SRCIN1: variants seen among roughly 807,000 people sequenced by gnomAD.
The protein encoded by SRCIN1 is P130Cas-associated protein.
SRCIN1 carries 50 observed loss-of-function variants against 116.2 expected under a neutral mutation model. The ratio of observed to expected loss-of-function variants is 0.43; its 90% CI spans 0.34 to 0.54. The LOEUF (loss-of-function observed/expected upper bound fraction) is 0.54, where lower values mean the gene tolerates loss of function less well. SRCIN1 is among the 20% of genes least tolerant of loss of function. The pLI is 0.02. For missense variants in SRCIN1, 1,446 were observed against 1,672.0 expected, an observed-to-expected ratio of 0.86 and a Z score of 2.36; for synonymous variants, 736 against 750.0, an observed-to-expected ratio of 0.98 and a Z score of 0.30.
intron 1 of SRCIN1, among the ~76,000 whole-genome samples, chr17:38,601,960 TGAC>T (rs1355948082): frequency 6.6e-6 from 1 of 151,200 alleles, no homozygotes; most frequent in Non-Finnish European, 1.5e-5. Flanking sequence ...CAGGAGAAAT[TGAC>T]GAACAGGGAG....
chr17:38,591,959 T>C (rs1908465252), intron 1 of SRCIN1, among the ~76,000 whole-genome samples: 1 of 152,232 alleles, frequency 6.6e-6, no homozygotes, highest in Non-Finnish European at 1.5e-5. Flanking sequence ...AGGATGCCCC[T>C]GTCTGGCAGC....
chr17:38,537,186 A>T (rs1159279870), intron 18 of SRCIN1, among the ~76,000 whole-genome samples: 1 of 151,096 alleles, frequency 6.6e-6, no homozygotes, highest in South Asian at 2.1e-4. Flanking sequence ...TCTCAAAAAA[A>T]AATTAAATAA....
intron 9 of SRCIN1, 63 bp from the exon 10 acceptor site, chr17:38,559,835 G>A (rs1906107726): frequency 6.9e-7 from 1 of 1,452,566 alleles, no homozygotes; most frequent in Non-Finnish European, 9.1e-7. Flanking sequence ...GGACTGGGCT[G>A]GGACAAAGTC....
In SRCIN1 at chr17:38,561,515, G is replaced by A; in HGVS notation, c.1648C>T (p.Arg550Cys). 1 of 1,597,090 alleles carries A rather than the reference G, an allele frequency of 6.3e-7. No homozygotes were observed. The highest frequency in any genetic ancestry group is 8.5e-7 in the Non-Finnish European group (1 of 1,177,150). The change falls in exon 7 of 19, where the codon CGC (arginine) becomes TGC (cysteine). Residue 550 changes from arginine to cysteine, a missense_variant. Coordinates refer to ENST00000617146, the MANE Select transcript of SRCIN1 (RefSeq NM_025248.3). ...PSELFPGPGERSLVGFGPPVP... is the reference protein window; with the variant it reads ...PSELFPGPGECSLVGFGPPVP... ...GGCGGCCCGAACCCAACCAGCGAGC[G>A]TTCCCCAGGCCCAGGGAAGAGCTCC... is the stretch of plus-strand genomic sequence containing the variant.
intron 2 of SRCIN1, among the ~76,000 whole-genome samples, chr17:38,577,455 A>G (rs1907488356): frequency 6.6e-6 from 1 of 152,212 alleles, no homozygotes; most frequent in Admixed American, 6.5e-5. Flanking sequence ...GAAATGTGCC[A>G]ATGTGTCTTG....
chr17:38,533,335 T>A lies in SRCIN1; in HGVS notation c.3514A>T (p.Thr1172Ser). The A allele has an allele frequency of 6.3e-7, 1 of 1,595,586 alleles. No homozygotes were observed. Among genetic ancestry groups the A allele is most frequent in the Admixed American group, 1.8e-5 (1 of 56,802 alleles). ...SASRTSIPVLTSFGARNSSIS... is the reference protein window; with the variant it reads ...SASRTSIPVLSSFGARNSSIS... The stretch of plus-strand genomic sequence containing the variant: ...GAAGAATTCCTTGCCCCAAAGGAAG[T>A]CAATACAGGGATAGAGGTTCTGGAA... The change falls in exon 19 of 19, where the codon ACT (threonine) becomes TCT (serine). Residue 1172 changes from threonine to serine, a missense_variant. Coordinates refer to ENST00000617146, the MANE Select transcript of SRCIN1 (RefSeq NM_025248.3).
chr17:38,561,669 C>A lies in SRCIN1; in HGVS notation c.1494G>T (p.Pro498=), dbSNP rs758496407. The change falls in exon 7 of 19, where the codon CCG becomes CCT. Residue 498 remains proline (P), a synonymous_variant. Coordinates refer to ENST00000617146, the MANE Select transcript of SRCIN1 (RefSeq NM_025248.3). ...PPPPHSPYSG[P]PSRGSPVRQS... ...GGCGCACTGGCGAGCCGCGGCTGGGCGGCCCCGAGTAGGGGCTGTGCGGTG... is the reference window on the plus strand; with the variant it reads ...GGCGCACTGGCGAGCCGCGGCTGGGAGGCCCCGAGTAGGGGCTGTGCGGTG... 3 of 1,556,778 alleles carry A rather than the reference C, an allele frequency of 1.9e-6. No individual in the cohort carries two copies. Among genetic ancestry groups the A allele is most frequent in the Non-Finnish European group, 2.6e-6 (3 of 1,153,194 alleles).
intron 11 of SRCIN1, among the ~76,000 whole-genome samples, chr17:38,554,336 G>A (rs1340840612): frequency 6.6e-6 from 1 of 152,198 alleles, no homozygotes; most frequent in Admixed American, 6.5e-5. Context: ...CCGTGCTGCT[G>A]TAACCCTCAT....
Position 38,558,160 on chromosome 17 carries a change from G to A in SRCIN1, c.2201+67C>T, listed in dbSNP as rs1905925428. ...GAGGGAAGGGAGCTGCGCCTCCCAG[G>A]GAAACCAGGTTGCGGGTCACTCCAG... On this transcript the variant is annotated intron_variant, in intron 11 of 18. Transcript: ENST00000617146. The surrounding 1 kb of genome is among the most constrained non-coding windows in gnomAD (Gnocchi z 4.6). 6.4e-7 allele frequency: 1 copy of A among 1,566,562 alleles called. No homozygotes were observed. The highest frequency in any genetic ancestry group is 8.7e-7 in the Non-Finnish European group (1 of 1,150,748).
chr17:38,541,901 G>C, intron 18 of SRCIN1: 1 of 152,714 alleles, frequency 6.5e-6, no homozygotes, highest in Non-Finnish European at 1.5e-5. Flanking sequence ...AGTGAGCTGA[G>C]ATCACACCAC....
chr17:38,550,459 A>G (rs909208404), intron 15 of SRCIN1, among the ~76,000 whole-genome samples: 1 of 152,160 alleles, frequency 6.6e-6, no homozygotes, highest in Non-Finnish European at 1.5e-5. Flanking sequence ...GCGCCACTGC[A>G]CTCCAGCCTG....
At chr17:38,557,049 T>C (rs918860965) in intron 11 of SRCIN1, among the ~76,000 whole-genome samples, 3 of 152,228 alleles carry the variant, frequency 2.0e-5, no homozygotes, top group Non-Finnish European at 4.4e-5. Context: ...GAGATCTGGC[T>C]GGAGTCCTCA....
At chr17:38,600,479 A>C (rs1006103614) in intron 1 of SRCIN1, among the ~76,000 whole-genome samples, 1 of 152,220 alleles carries the variant, frequency 6.6e-6, no homozygotes, top group Non-Finnish European at 1.5e-5. Flanking sequence ...TGAATGACCT[A>C]GTCCTTCTCA....
chr17:38,544,000 A>G (rs758994723), intron 17 of SRCIN1, 31 bp from the exon 18 acceptor site: 27 of 1,554,652 alleles, frequency 1.7e-5, no homozygotes, highest in Non-Finnish European at 2.1e-5. Flanking sequence ...TTGCAGTTGC[A>G]GAGTCCACAT....
intron 11 of SRCIN1, among the ~76,000 whole-genome samples, 174 bp from the exon 12 acceptor site, chr17:38,553,029 C>T (rs532344140): frequency 4.0e-4 from 61 of 152,172 alleles, no homozygotes; most frequent in South Asian, 1.2e-3. Context: ...CTGAGGCAGG[C>T]GGATCACTTG....
Position 38,564,288 on chromosome 17 carries a change from C to G in SRCIN1, c.371G>C (p.Gly124Ala). The G allele has an allele frequency of 6.4e-7, 1 of 1,567,962 alleles. No homozygotes were observed. The highest frequency in any genetic ancestry group is 8.6e-7 in the Non-Finnish European group (1 of 1,160,664). ...FKTRSSRHTQ[G>A]AQPGLADQAA... is the part of the protein sequence containing the mutation. ...CTGGTCTGCCAGCCCGGGCTGGGCTCCCTGAGTGTGGCGTGAGCTGCGGGT... is the reference window on the plus strand; with the variant it reads ...CTGGTCTGCCAGCCCGGGCTGGGCTGCCTGAGTGTGGCGTGAGCTGCGGGT... The change falls in exon 4 of 19, where the codon GGA (glycine) becomes GCA (alanine). Residue 124 changes from glycine to alanine, a missense_variant. This residue lies in a region of SRCIN1 where 246 missense variants were observed against 265.1 expected (regional missense o/e 0.93). Coordinates refer to ENST00000617146, the MANE Select transcript of SRCIN1 (RefSeq NM_025248.3).
At chr17:38,576,223 C>G (rs952825669) in intron 2 of SRCIN1, among the ~76,000 whole-genome samples, 2 of 152,216 alleles carry the variant, frequency 1.3e-5, no homozygotes, top group Admixed American at 6.5e-5. Context: ...GGCTCCTGAT[C>G]CTTCACCAAT....
chr17:38,560,524 C>T, intron 7 of SRCIN1, 99 bp from the exon 8 acceptor site: 1 of 1,029,240 alleles, frequency 9.7e-7, no homozygotes, highest in Non-Finnish European at 1.5e-6. Flanking sequence ...GAAACACCGT[C>T]CCATCCCTGG....
rs1404745664 is a variant in SRCIN1, at chr17:38,562,780, C to T, written c.834+47G>A. On this transcript the variant is annotated intron_variant, in intron 6 of 18. Coordinates refer to ENST00000617146, the MANE Select transcript of SRCIN1 (RefSeq NM_025248.3). The surrounding 1 kb of genome is among the most constrained non-coding windows in gnomAD (Gnocchi z 4.2). ...ACTGCCCAGACCCTGCTCCCCTGGA[C>T]CCCATGTGCCCAGCCTCCCCAATGC... The T allele has an allele frequency of 6.5e-7, 1 of 1,549,764 alleles. No individual in the cohort carries two copies. The highest frequency in any genetic ancestry group is 8.9e-7 in the Non-Finnish European group (1 of 1,127,252).
Sources: gnomAD v4.1 joint callset for allele counts (sites outside exome capture counted in the v4.1 genomes callset) on GRCh38, gnomAD v4.1.1 for gene constraint, gnomAD v4.1.1 regional missense constraint, Gnocchi (gnomAD v3.1) non-coding constraint, MANE v1.5 for transcripts, NCBI Gene and HGNC (gene_info 2026-07-23, HGNC 2026-07-21) for gene names.